EVC2: variants seen among roughly 807,000 people sequenced by gnomAD.
EVC2 encodes the protein EvC ciliary complex subunit 2, also known as limbin.
Under a neutral mutation model 149.3 loss-of-function variants are expected in EVC2, and 148 were observed. That is an observed-to-expected ratio of 0.99 (90% CI 0.87 to 1.14). The LOEUF is 1.14. Ranked by LOEUF, EVC2 falls within the 50% of genes most tolerant of loss-of-function variation. The pLI, the probability that EVC2 is intolerant of heterozygous loss-of-function variation, is 0.00. For missense variants in EVC2, 1,854 were observed against 1,627.3 expected (o/e 1.14, Z -2.40); for synonymous variants, 776 against 649.9 (o/e 1.19, Z -2.95).
chr4:5,607,303 A>C (rs1192097352), intron 16 of EVC2, among the ~76,000 whole-genome samples: 2 of 152,226 alleles, frequency 1.3e-5, no homozygotes, highest in Non-Finnish European at 2.9e-5. Flanking sequence ...AGAAGCTCCA[A>C]ATAAGAAATA....
intron 9 of EVC2, among the ~76,000 whole-genome samples, chr4:5,651,773 C>A: frequency 6.6e-6 from 1 of 152,242 alleles, no homozygotes; most frequent in East Asian, 1.9e-4. Context: ...GCACCCACCA[C>A]AATGGGGAGC....
At chr4:5,584,212 C>G (rs1029420498) in intron 17 of EVC2, among the ~76,000 whole-genome samples, 1 of 152,122 alleles carries the variant, frequency 6.6e-6, no homozygotes, top group Non-Finnish European at 1.5e-5. Context: ...GGATATACCT[C>G]TCACATTTTG....
intron 12 of EVC2, among the ~76,000 whole-genome samples, chr4:5,627,806 C>G (rs1031535493): frequency 3.3e-5 from 5 of 152,092 alleles, no homozygotes; most frequent in Non-Finnish European, 4.4e-5. Flanking sequence ...TACTTAGTGT[C>G]AAAGGTGAAT....
At chr4:5,529,815 G>GTT in the EVC2 span, among the ~76,000 whole-genome samples, 2,285 of 132,038 alleles carry the variant, frequency 0.017, 65 homozygotes, top group African/African-American at 0.06. This position sits in a 1 kb window ranked among gnomAD's most constrained non-coding sequence, Gnocchi z 4.5. Context: ...AGTTATTTAG[G>GTT]TTTTTTTTTT....
At chr4:5,584,186 A>C (rs1712058380) in intron 17 of EVC2, among the ~76,000 whole-genome samples, 1 of 152,226 alleles carries the variant, frequency 6.6e-6, no homozygotes, top group Admixed American at 6.5e-5. Flanking sequence ...AGTTATTACC[A>C]TAGCTTTTGT....
At chr4:5,675,224 T>C (rs911994072) in intron 7 of EVC2, among the ~76,000 whole-genome samples, 20 of 152,254 alleles carry the variant, frequency 1.3e-4, no homozygotes, top group African/African-American at 4.1e-4. Context: ...GAGTGCTGTT[T>C]TTAAAGTTTG....
chr4:5,595,551 A>C (rs922965108), intron 16 of EVC2, among the ~76,000 whole-genome samples: 179 of 152,302 alleles, frequency 1.2e-3, no homozygotes, highest in African/African-American at 4.0e-3. Flanking sequence ...CCTGCCCTAA[A>C]AGAGCTCCTG....
At chr4:5,601,014 G>A (rs1713931541) in intron 16 of EVC2, among the ~76,000 whole-genome samples, 1 of 152,194 alleles carries the variant, frequency 6.6e-6, no homozygotes, top group Admixed American at 6.5e-5. Flanking sequence ...ATGTTGGGCA[G>A]CCATGCCTTT....
At chr4:5,634,343 G>A (rs1039686987) in intron 10 of EVC2, among the ~76,000 whole-genome samples, 4 of 152,204 alleles carry the variant, frequency 2.6e-5, no homozygotes, top group African/African-American at 9.7e-5. Context: ...GGGCACCGCA[G>A]GGGCATTCCG....
At chr4:5,621,927 C>G (rs1249744579) in intron 14 of EVC2, among the ~76,000 whole-genome samples, 1 of 152,146 alleles carries the variant, frequency 6.6e-6, no homozygotes, top group Non-Finnish European at 1.5e-5. Flanking sequence ...CCACTGCATC[C>G]TACTCAGAAG....
intron 7 of EVC2, among the ~76,000 whole-genome samples, chr4:5,676,433 G>A (rs1366231123): frequency 6.6e-6 from 1 of 152,174 alleles, no homozygotes; most frequent in East Asian, 1.9e-4. Flanking sequence ...TGTCAGGGGT[G>A]CTGCCACCCT....
At chr4:5,581,694 T>G (rs1323927355) in intron 17 of EVC2, among the ~76,000 whole-genome samples, 1 of 152,158 alleles carries the variant, frequency 6.6e-6, no homozygotes, top group Admixed American at 6.5e-5. Flanking sequence ...GTGTGGAAAA[T>G]TTGCAGCCCA....
intron 15 of EVC2, among the ~76,000 whole-genome samples, chr4:5,617,689 G>T (rs1023766149): frequency 6.6e-6 from 1 of 152,198 alleles, no homozygotes; most frequent in Admixed American, 6.5e-5. Context: ...AGTGGAGGTG[G>T]CATTTGAGCT....
At chr4:5,631,571 G>GGA (rs546090360) in intron 11 of EVC2, among the ~76,000 whole-genome samples, 1 of 151,692 alleles carries the variant, frequency 6.6e-6, no homozygotes, top group Non-Finnish European at 1.5e-5. Flanking sequence ...GTAGACTGGG[G>GGA]GGGGGAACTG....
Position 5,568,445 on chromosome 4 carries a change from T to C in EVC2, c.3556A>G (p.Arg1186Gly). The C allele has an allele frequency of 6.4e-7, 1 of 1,552,826 alleles. No homozygotes were observed. The highest frequency in any genetic ancestry group is 1.4e-5 in the African/African-American group (1 of 73,860). The change falls in exon 20 of 22, where the codon AGG becomes GGG. Residue 1186 changes from arginine (R) to glycine (G), a missense_variant and splice_region_variant. Coordinates refer to ENST00000344408, the MANE Select transcript of EVC2 (RefSeq NM_147127.5). ...AGGCAGCCCCTCCACGGCACTCACCTCCGCCTGCCCACGTCGGCCTGCTCC... is the reference window on the plus strand; with the variant it reads ...AGGCAGCCCCTCCACGGCACTCACCCCCGCCTGCCCACGTCGGCCTGCTCC... ...GAEQADVGRR[R>G]KHQSWWQALD...
At chr4:5,690,903 T>C (rs999503737) in intron 4 of EVC2, among the ~76,000 whole-genome samples, 2 of 152,198 alleles carry the variant, frequency 1.3e-5, no homozygotes, top group Non-Finnish European at 2.9e-5. Context: ...ATATGTGGGA[T>C]TGTAACCACC....
In EVC2 at chr4:5,551,597, T is replaced by A. The variant is rs1008726049; in HGVS notation, c.3420-8385A>T. On this transcript the variant is annotated intron_variant and NMD_transcript_variant, in intron 21 of 22. Transcript: ENST00000475313. ...GATGAGACTTGGGACTGTGGACTTTTGTGTTAATGCTGAAATGAGTTAAGA... is the reference window on the plus strand; with the variant it reads ...GATGAGACTTGGGACTGTGGACTTTAGTGTTAATGCTGAAATGAGTTAAGA... Among the ~76,000 whole-genome samples, 172 of 152,200 alleles carry A rather than the reference T, an allele frequency of 1.1e-3. 2 individuals are homozygous for A. The highest frequency in any genetic ancestry group is 1.0e-3 in the South Asian group (5 of 4,824).
At chr4:5,701,590 G>C (rs982505002) in intron 1 of EVC2, among the ~76,000 whole-genome samples, 13 of 152,116 alleles carry the variant, frequency 8.5e-5, no homozygotes, top group African/African-American at 3.1e-4. Flanking sequence ...CTTTCCAGTC[G>C]AGAGTTCCTC....
intron 9 of EVC2, among the ~76,000 whole-genome samples, chr4:5,662,564 T>C (rs890914534): frequency 2.8e-5 from 4 of 143,550 alleles, no homozygotes; most frequent in Non-Finnish European, 6.1e-5. Context: ...ATATATTAAA[T>C]ATAATATATA....
Sources: allele counts gnomAD v4.1 joint callset (sites outside exome capture counted in the v4.1 genomes callset), GRCh38; gene constraint gnomAD v4.1.1; non-coding constraint Gnocchi (gnomAD v3.1); transcripts MANE v1.5; gene names NCBI Gene and HGNC (gene_info 2026-07-23, HGNC 2026-07-21).